The following UBR3 variants were observed in gnomAD, a reference collection of about 807,000 sequenced individuals.
UBR3 encodes the protein ubiquitin protein ligase E3 component n-recognin 3.
In UBR3, 85 loss-of-function variants were observed where a neutral mutation model predicts 243.2. The observed-to-expected ratio is 0.35, with a 90% CI of 0.29 to 0.42. The LOEUF is 0.42. Among genes scored for constraint, UBR3 ranks in the 10% least tolerant of loss-of-function variants. The pLI is 1.00. For missense variants in UBR3, 1,686 were observed against 2,300.8 expected, an observed-to-expected ratio of 0.73 and a Z score of 5.47; for synonymous variants, 748 against 799.8, an observed-to-expected ratio of 0.94 and a Z score of 1.09.
At chr2:170,033,178 G>C (rs1235828408) in intron 31 of UBR3, among the ~76,000 whole-genome samples, 1 of 151,996 alleles carries the variant, frequency 6.6e-6, no homozygotes, top group East Asian at 1.9e-4. Flanking sequence ...TTAAAGTACA[G>C]ACATAGATAT....
At chr2:169,927,100 T>A (rs2085937898) in intron 16 of UBR3, 129 bp downstream of exon 16, 1 of 1,214,204 alleles carries the variant, frequency 8.2e-7, no homozygotes, top group Non-Finnish European at 1.1e-6. Flanking sequence ...TTTCAAACTC[T>A]TGATATGTTG....
intron 33 of UBR3, among the ~76,000 whole-genome samples, chr2:170,057,616 A>G (rs990350734): frequency 6.6e-6 from 1 of 152,134 alleles, no homozygotes; most frequent in African/African-American, 2.4e-5. Flanking sequence ...GGGTCTAACT[A>G]TTTACAATTG....
intron 31 of UBR3, among the ~76,000 whole-genome samples, chr2:170,034,008 CTTTGG>C (rs2090755624): frequency 1.2e-5 from 1 of 84,118 alleles, no homozygotes; most frequent in Admixed American, 1.2e-4. Context: ...TTTTTAAAGA[CTTTGG>C]TTTGTTTTTT....
chr2:169,938,274 CTTT>C (rs113623124), intron 19 of UBR3, among the ~76,000 whole-genome samples: 3 of 141,868 alleles, frequency 2.1e-5, no homozygotes, highest in Admixed American at 7.1e-5. Flanking sequence ...TTTCTTTCTC[CTTT>C]TTTTTTTTTT....
intron 24 of UBR3, among the ~76,000 whole-genome samples, chr2:169,970,313 A>G (rs995648531): frequency 7.2e-6 from 1 of 138,232 alleles, no homozygotes; most frequent in African/African-American, 2.7e-5. Flanking sequence ...ATTGATGTAT[A>G]GAAACACTAC....
chr2:169,943,016 TG>T, intron 20 of UBR3, among the ~76,000 whole-genome samples: 1 of 152,246 alleles, frequency 6.6e-6, no homozygotes, highest in South Asian at 2.1e-4. Flanking sequence ...AATCTTAGGT[TG>T]GGGGGTTCTT....
intron 32 of UBR3, among the ~76,000 whole-genome samples, chr2:170,051,500 A>G (rs1199959563): frequency 1.3e-5 from 2 of 152,010 alleles, no homozygotes; most frequent in Non-Finnish European, 2.9e-5. Context: ...ACCCGCCACC[A>G]CGCCCGACTA....
intron 27 of UBR3, among the ~76,000 whole-genome samples, chr2:170,002,161 G>T (rs1340565271): frequency 6.6e-6 from 1 of 151,898 alleles, no homozygotes; most frequent in African/African-American, 2.4e-5. Flanking sequence ...TTAGCTCTTT[G>T]CTATCCTCAC....
chr2:169,890,563 A>ATATATATATATATATATATT (rs1255881148), intron 5 of UBR3, among the ~76,000 whole-genome samples: 1 of 83,924 alleles, frequency 1.2e-5, no homozygotes, highest in South Asian at 4.2e-4. Context: ...ATATATATAT[A>ATATATATATATATATATATT]TGTGTATATA....
rs75947166 is a variant in UBR3 at position 169,943,257 on chromosome 2, A to G, written c.2805+623A>G. On this transcript the variant is annotated intron_variant, in intron 20 of 38. Transcript: ENST00000272793. The stretch of plus-strand genomic sequence containing the variant: ...AAACTTGTGTGAAGCATAATATTGT[A>G]TAGTATGTATGTGTGTATATAATAG... 8.4e-3 allele frequency among the ~76,000 whole-genome samples: 1,278 copies of G among 152,290 alleles called. 23 individuals carry two copies. The highest frequency in any genetic ancestry group is 0.029 in the African/African-American group (1,193 of 41,566).
intron 1 of UBR3, among the ~76,000 whole-genome samples, chr2:169,868,632 T>C (rs1418250399): frequency 6.6e-6 from 1 of 152,056 alleles, no homozygotes; most frequent in Admixed American, 6.6e-5. Context: ...GAATTCACTT[T>C]TAGTGATAAT....
intron 11 of UBR3, among the ~76,000 whole-genome samples, chr2:169,915,900 G>T (rs764623924): frequency 3.3e-5 from 5 of 151,948 alleles, no homozygotes; most frequent in Non-Finnish European, 7.4e-5. Context: ...TTCAGATTTG[G>T]CCAATGAGAG....
chr2:170,052,191 C>G (rs1015879550), intron 32 of UBR3, among the ~76,000 whole-genome samples: 2 of 152,158 alleles, frequency 1.3e-5, no homozygotes, highest in Admixed American at 1.3e-4. Flanking sequence ...TCCATGAAAT[C>G]CTATAATTTC....
intron 24 of UBR3, among the ~76,000 whole-genome samples, chr2:169,983,623 ACT>A (rs1328106976): frequency 1.3e-5 from 2 of 151,784 alleles, no homozygotes; most frequent in Non-Finnish European, 2.9e-5. Context: ...GGGGAAATAA[ACT>A]CTCTCTTGAT....
At chr2:170,017,520 C>T (rs888018697) in intron 30 of UBR3, among the ~76,000 whole-genome samples, 2 of 61,384 alleles carry the variant, frequency 3.3e-5, no homozygotes, top group South Asian at 7.6e-4. Flanking sequence ...TATATAATTA[C>T]GGACACACAC....
chr2:169,881,851 ACG>A (rs1452183509), intron 5 of UBR3, among the ~76,000 whole-genome samples: 1 of 137,396 alleles, frequency 7.3e-6, no homozygotes, highest in Non-Finnish European at 1.5e-5. Context: ...GTATACATAT[ACG>A]TATATGTGTA....
intron 1 of UBR3, among the ~76,000 whole-genome samples, chr2:169,863,863 G>A (rs183661093): frequency 6.6e-6 from 1 of 152,280 alleles, no homozygotes; most frequent in Admixed American, 6.5e-5. Context: ...AACACACGAA[G>A]TAAAAATAGC....
chr2:169,865,194 T>A lies in UBR3; in HGVS notation c.546-7042T>A, dbSNP rs567694688. ...ATAGTAATTTTAAAAAAGATTTTTT[T>A]AAGAGACAGGGTCATGCTATATTGC... On this transcript the variant is annotated intron_variant, in intron 1 of 38. Transcript: ENST00000272793. Among the ~76,000 whole-genome samples the A allele has an allele frequency of 8.5e-5, 13 of 152,266 alleles. No homozygotes were observed. The South Asian group carries it at 2.7e-3, about 32-fold the overall frequency.
chr2:169,964,440 C>T (rs991231794), intron 24 of UBR3: 2 of 469,970 alleles, frequency 4.3e-6, no homozygotes, highest in Non-Finnish European at 8.8e-6. Context: ...AAGCAACGTA[C>T]CCAGAGCAGA....
Sources: allele counts gnomAD v4.1 joint callset (sites outside exome capture counted in the v4.1 genomes callset), GRCh38; gene constraint gnomAD v4.1.1; transcripts MANE v1.5; gene names NCBI Gene and HGNC (gene_info 2026-07-23, HGNC 2026-07-21).